GDF5: variants seen among roughly 807,000 people sequenced by gnomAD.
The protein encoded by GDF5 is growth differentiation factor 5.
A neutral mutation model predicts 34.6 loss-of-function variants in GDF5; 17 were observed. The ratio of observed to expected loss-of-function variants is 0.49; its 90% CI spans 0.34 to 0.74. The LOEUF (loss-of-function observed/expected upper bound fraction) is 0.74, where lower values mean the gene tolerates loss of function less well. Among genes scored for constraint, GDF5 ranks in the 30% least tolerant of loss-of-function variants. GDF5 has a pLI of 0.01. For missense variants in GDF5, 616 were observed against 661.2 expected, an observed-to-expected ratio of 0.93 and a Z score of 0.75; for synonymous variants, 332 against 290.7, an observed-to-expected ratio of 1.14 and a Z score of -1.44.
intron 1 of GDF5, among the ~76,000 whole-genome samples, chr20:35,436,027 A>C (rs550845069): frequency 6.6e-6 from 1 of 152,258 alleles, no homozygotes; most frequent in Admixed American, 6.5e-5. Context: ...TGTGTGATTC[A>C]GCATGTGTGT....
In GDF5 at chr20:35,433,389, A is replaced by G. The variant is rs188252641; in HGVS notation, c.*520T>C. The G allele has an allele frequency of 1.2e-3, 382 of 311,402 alleles. No individual in the cohort carries two copies. Among genetic ancestry groups the G allele is most frequent in the African/African-American group, 7.7e-3 (353 of 45,904 alleles). The allele number at this position is 311,402 out of a possible 1,614,324, so 19.3% of individuals were successfully genotyped here. Reference sequence around the variant, plus strand: ...CTTTTTATCTCATCAATATACATTTAAATCTAACAGTCTAACAGCCTCACA... The same window carrying G: ...CTTTTTATCTCATCAATATACATTTGAATCTAACAGTCTAACAGCCTCACA... On this transcript the variant is annotated 3_prime_UTR_variant, in exon 2 of 2. Coordinates refer to ENST00000374369, the MANE Select transcript of GDF5 (RefSeq NM_000557.5).
intron 1 of GDF5, among the ~76,000 whole-genome samples, chr20:35,449,690 T>C (rs765730696): frequency 9.2e-5 from 14 of 152,166 alleles, no homozygotes; most frequent in Non-Finnish European, 2.1e-4. Flanking sequence ...TTAAAAATAA[T>C]GAATGAATGG....
At chr20:35,434,846 C>T in intron 1 of GDF5, 63 bp from the exon 2 acceptor site, 1 of 1,544,234 alleles carries the variant, frequency 6.5e-7, no homozygotes, top group Non-Finnish European at 9.0e-7. Flanking sequence ...CACTTCGAGG[C>T]TGCGGGGGAA....
intron 1 of GDF5, among the ~76,000 whole-genome samples, chr20:35,444,332 G>A (rs1451658461): frequency 6.6e-6 from 1 of 152,156 alleles, no homozygotes; most frequent in Non-Finnish European, 1.5e-5. Flanking sequence ...CCCTTTGAGG[G>A]GGTGATGTTT....
chr20:35,435,089 CCTAT>C lies in GDF5; in HGVS notation c.632-310_632-307del, dbSNP rs1000405479. On this transcript the variant is annotated intron_variant, in intron 1 of 1. Coordinates refer to ENST00000374369, the MANE Select transcript of GDF5 (RefSeq NM_000557.5). ...TTATCAGCTTTGTAACTGCCTTCTA[CCTAT>C]CTCTCTCCCAGCCATGAGCTAACGT... is the stretch of plus-strand genomic sequence containing the variant. The C allele has an allele frequency of 7.6e-5, 46 of 607,268 alleles. 1 individual carries two copies. The highest frequency in any genetic ancestry group is 1.2e-5 in the Non-Finnish European group (4 of 331,992). 37.6% of individuals were successfully genotyped at this position (607,268 alleles called of 1,614,324 possible). A position where few individuals can be genotyped will look rare whatever the true frequency, so the allele number is the denominator to read the frequency against.
intron 1 of GDF5, among the ~76,000 whole-genome samples, chr20:35,451,053 A>ATATATATATATATATATATATATATATAT (rs2062530101): frequency 1.6e-4 from 1 of 6,362 alleles, no homozygotes; most frequent in Non-Finnish European, 3.3e-4. Flanking sequence ...AAAAAAAAAA[A>ATATATATATATATATATATATATATATAT]AAAAAAAAAA....
chr20:35,450,498 G>A (rs557096450), intron 1 of GDF5, among the ~76,000 whole-genome samples: 1 of 152,140 alleles, frequency 6.6e-6, no homozygotes, highest in South Asian at 2.1e-4. Context: ...GAGGAAGATG[G>A]GGGTGGGAAA....
chr20:35,437,239 C>T (rs2062475964), intron 1 of GDF5, 59 bp downstream of exon 1: 1 of 1,237,198 alleles, frequency 8.1e-7, no homozygotes, highest in Admixed American at 1.8e-5. Context: ...TTGAAAGCCC[C>T]TCCATTCATG....
upstream of GDF5, among the ~76,000 whole-genome samples, chr20:35,439,108 C>T (rs79466281): frequency 2.2e-3 from 331 of 152,048 alleles, no homozygotes; most frequent in African/African-American, 7.6e-3. Context: ...TGGATGGCGG[C>T]AGGTCCAGGG....
chr20:35,438,756 T>C (rs1277310493), upstream of GDF5, among the ~76,000 whole-genome samples: 1 of 151,926 alleles, frequency 6.6e-6, no homozygotes, highest in African/African-American at 2.4e-5. Context: ...GGGTTTGTAG[T>C]TAAGTTCTTA....
At chr20:35,440,152 A>G (rs1160187889), upstream of GDF5, among the ~76,000 whole-genome samples, 1 of 150,892 alleles carries the variant, frequency 6.6e-6, no homozygotes. Context: ...CCTGACCTCA[A>G]GTGATCCACC....
rs2062480884 is a variant in GDF5 at position 35,437,774 on chromosome 20, G to T, written c.155C>A (p.Pro52His). The part of the protein sequence containing the change: ...LAKAEAKERP[P>H]LARNVFRPGG... ...TGGCCTGAAGACGTTCCGGGCCAGG[G>T]GGGGCCTCTCCTTGGCCTCTGCTTT... The change falls in exon 1 of 2, where the codon CCC becomes CAC. Residue 52 changes from proline (P) to histidine (H), a missense_variant. Transcript: ENST00000374369. 3.1e-6 allele frequency: 5 copies of T among 1,612,948 alleles called. No individual in the cohort carries two copies. The highest frequency in any genetic ancestry group is 2.2e-5 in the South Asian group (2 of 90,954).
chr20:35,434,283 G>A lies in GDF5; in HGVS notation c.1132C>T (p.Arg378Ter). The A allele has an allele frequency of 1.9e-6, 3 of 1,614,132 alleles. No individual in the cohort carries two copies. The highest frequency in any genetic ancestry group is 2.5e-6 in the Non-Finnish European group (3 of 1,180,030). ...GTGGCCAGTGGGGCCCGCCGTTTTCGCCGCTGGCTGAACAGGTACTCATAC... is the reference window on the plus strand; with the variant it reads ...GTGGCCAGTGGGGCCCGCCGTTTTCACCGCTGGCTGAACAGGTACTCATAC... ...TVYEYLFSQR[R>*]KRRAPLATRQ... Residue 378 changes from arginine to a stop codon, truncating the protein, a stop_gained, in exon 2 of 2, where the codon CGA becomes TGA. Transcript: ENST00000374369. LOFTEE classifies it high-confidence loss of function.
chr20:35,446,549 C>T (rs927902886), intron 1 of GDF5, among the ~76,000 whole-genome samples: 3 of 151,368 alleles, frequency 2.0e-5, no homozygotes, highest in South Asian at 2.1e-4. Flanking sequence ...GTGATCCTCC[C>T]TTCTCAGCCT....
At chr20:35,435,997 TGA>T (rs763442609) in intron 1 of GDF5, among the ~76,000 whole-genome samples, 35 of 152,242 alleles carry the variant, frequency 2.3e-4, no homozygotes, top group East Asian at 7.7e-4. Context: ...CGTGTGTGTG[TGA>T]GTCAGCATGC....
chr20:35,443,243 G>A (rs540306338), intron 1 of GDF5, among the ~76,000 whole-genome samples: 4 of 152,128 alleles, frequency 2.6e-5, no homozygotes, highest in Non-Finnish European at 4.4e-5. Context: ...AGATGCTGCC[G>A]CTGGCAGTGC....
At chr20:35,448,997 G>C (rs557983548) in intron 1 of GDF5, among the ~76,000 whole-genome samples, 1 of 152,314 alleles carries the variant, frequency 6.6e-6, no homozygotes, top group East Asian at 1.9e-4. Context: ...CAACTAGGGA[G>C]ATTGACACAA....
At chr20:35,452,257 A>G (rs2062536182) in intron 1 of GDF5, among the ~76,000 whole-genome samples, 1 of 152,102 alleles carries the variant, frequency 6.6e-6, no homozygotes. Flanking sequence ...ACAATTTCCA[A>G]CTTGTCCTTA....
intron 1 of GDF5, among the ~76,000 whole-genome samples, chr20:35,447,439 T>C (rs1457869044): frequency 6.6e-6 from 1 of 152,198 alleles, no homozygotes; most frequent in Non-Finnish European, 1.5e-5. Context: ...CTGGGCCTTC[T>C]GTCCATAAGT....
Sources: allele counts gnomAD v4.1 joint callset (sites outside exome capture counted in the v4.1 genomes callset), GRCh38; gene constraint gnomAD v4.1.1; transcripts MANE v1.5; gene names NCBI Gene and HGNC (gene_info 2026-07-23, HGNC 2026-07-21).